The following SORL1 variants were observed in gnomAD, a reference collection of about 807,000 sequenced individuals.
SORL1 encodes the protein sortilin related receptor 1.
SORL1 carries 127 observed loss-of-function variants against 273.7 expected under a neutral mutation model. That is an observed-to-expected ratio of 0.46 (90% CI 0.40 to 0.54). The LOEUF is 0.54. SORL1 is among the 20% of genes least tolerant of loss of function. The probability of loss-of-function intolerance (pLI) is 0.00; values close to 1 mark genes in which losing one functional copy is unlikely to be tolerated. For synonymous variants in SORL1, 1,031 were observed against 1,067.4 expected (o/e 0.97, Z 0.66); for missense variants, 2,494 against 2,846.1 (o/e 0.88, Z 2.81).
rs758601174 is a variant in SORL1 at position 121,586,264 on chromosome 11, T to C, written c.3749T>C (p.Ile1250Thr). 1.2e-6 allele frequency: 2 copies of C among 1,614,100 alleles called. No individual in the cohort carries two copies. Among genetic ancestry groups the C allele is most frequent in the South Asian group, 2.2e-5 (2 of 91,080 alleles). The change falls in exon 27 of 48, where the codon ATC becomes ACC. Residue 1250 changes from isoleucine to threonine, a missense_variant. Coordinates refer to ENST00000260197, the MANE Select transcript of SORL1 (RefSeq NM_003105.6). ...NGFRCPNGTC[I>T]PSSKHCDGLR... The stretch of plus-strand genomic sequence containing the variant: ...TTCCGCTGCCCAAACGGCACTTGCA[T>C]CCCATCCAGCAAACATTGTGATGGT...
intron 6 of SORL1, among the ~76,000 whole-genome samples, chr11:121,497,958 G>A (rs971291692): frequency 1.3e-5 from 2 of 152,180 alleles, no homozygotes; most frequent in African/African-American, 4.8e-5. Context: ...GTGGAAGTAG[G>A]TCAACCTTCT....
At chr11:121,461,516 C>T (rs1861000990) in intron 1 of SORL1, among the ~76,000 whole-genome samples, 1 of 152,204 alleles carries the variant, frequency 6.6e-6, no homozygotes, top group Non-Finnish European at 1.5e-5. Context: ...CTCCATTAGT[C>T]TTGTTTATAG....
intron 39 of SORL1, chr11:121,611,645 A>T (rs907865726): frequency 1.3e-5 from 2 of 153,050 alleles, no homozygotes; most frequent in African/African-American, 4.8e-5. Flanking sequence ...AGCCGACTTC[A>T]TCATTGTTAC....
chr11:121,463,264 T>A (rs1010211181), intron 1 of SORL1, among the ~76,000 whole-genome samples: 3 of 152,100 alleles, frequency 2.0e-5, no homozygotes, highest in African/African-American at 7.2e-5. Flanking sequence ...TTCCTCATTT[T>A]TTTTTTGCCA....
rs754412710 is a variant in SORL1 at position 121,608,141 on chromosome 11, G to T, written c.5204G>T (p.Ser1735Ile). 2.5e-6 allele frequency: 4 copies of T among 1,614,090 alleles called. No individual in the cohort carries two copies. The Admixed American group carries it at 6.7e-5, about 27-fold the overall frequency. The change falls in exon 38 of 48, where the codon AGC (serine) becomes ATC (isoleucine). Residue 1735 changes from serine (S) to isoleucine (I), a missense_variant. Around this residue, in one of 3 missense-constraint regions of SORL1, gnomAD observed 1,609 missense variants for 1,816.4 expected, o/e 0.89. Transcript: ENST00000260197. ...ACTAGTCGTGGAATAGGAAACTGGAGCGATTCTAAATCCATTACCACCATA... is the reference window on the plus strand; with the variant it reads ...ACTAGTCGTGGAATAGGAAACTGGATCGATTCTAAATCCATTACCACCATA... ...AVTSRGIGNW[S>I]DSKSITTIKG...
intron 35 of SORL1, 90 bp from the exon 36 acceptor site, chr11:121,606,755 T>G (rs1591350445): frequency 2.5e-6 from 2 of 800,972 alleles, no homozygotes; most frequent in African/African-American, 1.7e-5. Flanking sequence ...GGCTGTGGAG[T>G]CGTTCTTGTC....
intron 1 of SORL1, among the ~76,000 whole-genome samples, chr11:121,460,084 A>G (rs1860971581): frequency 6.6e-6 from 1 of 152,238 alleles, no homozygotes. Flanking sequence ...CAAGGACAAT[A>G]AAAAGATGTA....
intron 12 of SORL1, among the ~76,000 whole-genome samples, chr11:121,534,959 G>T (rs995378939): frequency 1.3e-5 from 2 of 152,092 alleles, no homozygotes; most frequent in African/African-American, 4.8e-5. Context: ...TACATGATGC[G>T]CCTGAATTCT....
chr11:121,476,530 A>G (rs1861269240), intron 2 of SORL1, among the ~76,000 whole-genome samples: 1 of 152,198 alleles, frequency 6.6e-6, no homozygotes, highest in Non-Finnish European at 1.5e-5. Context: ...ACATGTTTAC[A>G]TGCCCATCGT....
chr11:121,563,580 G>A lies in SORL1; in HGVS notation c.3050-3360G>A, dbSNP rs1050771265. ...CTGGCTAATTTTTTGTATTTTAGTA[G>A]AGATTGGGTTTCACCATGTTGCCCA... On this transcript the variant is annotated intron_variant, in intron 21 of 47. Coordinates refer to ENST00000260197, the MANE Select transcript of SORL1 (RefSeq NM_003105.6). This position sits in a 1 kb window ranked among gnomAD's most constrained non-coding sequence, Gnocchi z 4.2. Among the ~76,000 whole-genome samples the A allele has an allele frequency of 1.7e-4, 26 of 152,240 alleles. No homozygotes were observed. Among genetic ancestry groups the A allele is most frequent in the African/African-American group, 6.3e-4 (26 of 41,544 alleles).
intron 2 of SORL1, among the ~76,000 whole-genome samples, chr11:121,476,794 C>CCCTTCCTCCCTCCCTTCCTT (rs1861276035): frequency 7.4e-6 from 1 of 135,584 alleles, no homozygotes; most frequent in Non-Finnish European, 1.6e-5. Context: ...CTTCCTTCCT[C>CCCTTCCTCCCTCCCTTCCTT]CCTTCCTCCC....
At chr11:121,607,339 C>T (rs188745952) in intron 37 of SORL1, 49 bp downstream of exon 37, 45 of 1,057,870 alleles carry the variant, frequency 4.3e-5, no homozygotes, top group Non-Finnish European at 6.0e-5. Context: ...TAGAACTGAG[C>T]GAAATTGCTG....
At chr11:121,592,896 C>T (rs887181787) in intron 31 of SORL1, among the ~76,000 whole-genome samples, 5 of 152,340 alleles carry the variant, frequency 3.3e-5, no homozygotes, top group Middle Eastern at 3.4e-3. Flanking sequence ...CAAATTCTGA[C>T]TAATCCAGTG....
At chr11:121,589,719 G>T (rs1863180867) in intron 29 of SORL1, among the ~76,000 whole-genome samples, 1 of 152,226 alleles carries the variant, frequency 6.6e-6, no homozygotes, top group Non-Finnish European at 1.5e-5. Context: ...CAATGTAATA[G>T]TTATTGTCAT....
Position 121,550,536 on chromosome 11 carries a change from G to T in SORL1, c.2181-49G>T, listed in dbSNP as rs1349656477. The T allele has an allele frequency of 6.5e-7, 1 of 1,544,044 alleles. No homozygotes were observed. Among genetic ancestry groups the T allele is most frequent in the East Asian group, 2.2e-5 (1 of 44,474 alleles). ...GTATTCCCAGCTGGGATGCCTTTGT[G>T]GCTATTCTTCCATGTTTCTGACCTC... is the stretch of plus-strand genomic sequence containing the variant. On this transcript the variant is annotated intron_variant, in intron 15 of 47. Transcript: ENST00000260197. This position sits in a 1 kb window ranked among gnomAD's most constrained non-coding sequence, Gnocchi z 5.3.
chr11:121,474,534 G>C (rs1343492669), intron 2 of SORL1, among the ~76,000 whole-genome samples: 1 of 152,150 alleles, frequency 6.6e-6, no homozygotes, highest in Non-Finnish European at 1.5e-5. Context: ...TCACTTTCAA[G>C]GACCATCTTT....
At chr11:121,501,384 T>C (rs1202266180) in intron 6 of SORL1, among the ~76,000 whole-genome samples, 1 of 152,210 alleles carries the variant, frequency 6.6e-6, no homozygotes, top group Non-Finnish European at 1.5e-5. Context: ...TTCCTTCTCC[T>C]CCCTGATGCT....
At chr11:121,598,558 T>C (rs563196352) in intron 32 of SORL1, among the ~76,000 whole-genome samples, 1 of 152,194 alleles carries the variant, frequency 6.6e-6, no homozygotes, top group Non-Finnish European at 1.5e-5. Context: ...ATTCTTGTCT[T>C]CCTTTTCATT....
At chr11:121,602,471 C>A (rs185300161) in intron 32 of SORL1, among the ~76,000 whole-genome samples, 1 of 152,330 alleles carries the variant, frequency 6.6e-6, no homozygotes, top group African/African-American at 2.4e-5. Flanking sequence ...CCACCTCCCC[C>A]ATCCTTGTAT....
Sources: allele counts gnomAD v4.1 joint callset (sites outside exome capture counted in the v4.1 genomes callset), GRCh38; gene constraint gnomAD v4.1.1; regional missense constraint gnomAD v4.1.1; non-coding constraint Gnocchi (gnomAD v3.1); transcripts MANE v1.5; gene names NCBI Gene and HGNC (gene_info 2026-07-23, HGNC 2026-07-21).